The following WDR19 variants were observed in gnomAD, a reference collection of about 807,000 sequenced individuals.
WDR19 encodes the protein WD repeat-containing protein 19.
Under a neutral mutation model 180.0 loss-of-function variants are expected in WDR19, and 121 were observed. That is an observed-to-expected ratio of 0.67 (90% CI 0.58 to 0.78). The LOEUF (loss-of-function observed/expected upper bound fraction) is 0.78. Ranked by LOEUF, WDR19 falls within the 30% of genes least tolerant of loss-of-function variation. The pLI, the probability that WDR19 is intolerant of heterozygous loss-of-function variation, is 0.00. For missense variants in WDR19, 1,450 were observed against 1,640.7 expected (o/e 0.88, Z 2.01); for synonymous variants, 497 against 540.7 (o/e 0.92, Z 1.12).
intron 9 of WDR19, among the ~76,000 whole-genome samples, chr4:39,207,409 A>G (rs1560492879): frequency 6.6e-6 from 1 of 152,244 alleles, no homozygotes; most frequent in Non-Finnish European, 1.5e-5. Flanking sequence ...ATAAACGTGC[A>G]TATTGTAGAA....
At chr4:39,239,650 T>C (rs1206507750) in intron 20 of WDR19, among the ~76,000 whole-genome samples, 1 of 152,168 alleles carries the variant, frequency 6.6e-6, no homozygotes, top group Non-Finnish European at 1.5e-5. Context: ...CTGCACATCC[T>C]GCACGTGTAC....
At chr4:39,266,217 C>G (rs1216762372) in intron 29 of WDR19, 77 bp downstream of exon 29, 4 of 1,316,040 alleles carry the variant, frequency 3.0e-6, no homozygotes, top group Non-Finnish European at 4.1e-6. Context: ...ACCCATCATG[C>G]TTTTACAACA....
Position 39,215,864 on chromosome 4 carries a change from G to C in WDR19, c.985G>C (p.Asp329His). 1 of 1,613,554 alleles carries C rather than the reference G, an allele frequency of 6.2e-7. No individual in the cohort carries two copies. Among genetic ancestry groups the C allele is most frequent in the Non-Finnish European group, 8.5e-7 (1 of 1,179,668 alleles). Residue 329 changes from aspartate to histidine, a missense_variant, in exon 11 of 37, where the codon GAT (aspartate) becomes CAT (histidine). By Grantham distance (81) the Asp-to-His change is moderately conservative (BLOSUM62 -1). Coordinates refer to ENST00000399820, the MANE Select transcript of WDR19 (RefSeq NM_025132.4). ...AGGATTGGGTACCTTGTCCTGGACT[G>C]ATGATGGCCAGTTGCTAGCACTCTC... ...NKGLGTLSWT[D>H]DGQLLALSTQ...
chr4:39,265,629 G>T (rs979760877), intron 28 of WDR19, among the ~76,000 whole-genome samples: 11 of 151,854 alleles, frequency 7.2e-5, no homozygotes, highest in African/African-American at 2.7e-4. Context: ...AAAATTAGCT[G>T]GGTGTGGTGG....
intron 29 of WDR19, among the ~76,000 whole-genome samples, chr4:39,267,091 AAAGT>A (rs780973696): frequency 7.2e-5 from 11 of 152,346 alleles, no homozygotes; most frequent in Non-Finnish European, 1.2e-4. Context: ...TCAAAAAGAA[AAAGT>A]AAGAAAGAAA....
chr4:39,249,715 A>G (rs530663234), intron 24 of WDR19, among the ~76,000 whole-genome samples: 56 of 152,304 alleles, frequency 3.7e-4, no homozygotes, highest in African/African-American at 1.3e-3. Context: ...TACTATAAAC[A>G]CCTTTACACA....
Position 39,254,048 on chromosome 4 carries a change from C to A in WDR19, c.3001+18C>A. 1 of 1,602,194 alleles carries A rather than the reference C, an allele frequency of 6.2e-7. No homozygotes were observed. The highest frequency in any genetic ancestry group is 8.5e-7 in the Non-Finnish European group (1 of 1,173,570). On this transcript the variant is annotated intron_variant, in intron 26 of 36. Coordinates refer to ENST00000399820, the MANE Select transcript of WDR19 (RefSeq NM_025132.4). Reference sequence around the variant, plus strand: ...TATTATTGGTAAATATCATTTTTTCCCTGGTTCTCTTCAAGATGTTTATCA... The same window carrying A: ...TATTATTGGTAAATATCATTTTTTCACTGGTTCTCTTCAAGATGTTTATCA...
At chr4:39,193,035 T>C (rs1726329422) in intron 4 of WDR19, among the ~76,000 whole-genome samples, 1 of 152,196 alleles carries the variant, frequency 6.6e-6, no homozygotes, top group Non-Finnish European at 1.5e-5. Context: ...GGCTACAGCA[T>C]TTATTTTAAA....
At chr4:39,270,759 A>G (rs1056744813) in intron 31 of WDR19, among the ~76,000 whole-genome samples, 1 of 152,212 alleles carries the variant, frequency 6.6e-6, no homozygotes, top group Non-Finnish European at 1.5e-5. Flanking sequence ...ATCTTTCTTT[A>G]TGCAAAACTT....
chr4:39,205,287 A>G (rs1727829834), intron 8 of WDR19, 21 bp downstream of exon 8: 1 of 1,549,332 alleles, frequency 6.5e-7, no homozygotes, highest in African/African-American at 1.4e-5. Context: ...TATAACTGGT[A>G]TGTACAAAAA....
intron 36 of WDR19, among the ~76,000 whole-genome samples, chr4:39,282,921 TAA>T (rs1736707449): frequency 9.2e-6 from 1 of 108,470 alleles, no homozygotes; most frequent in African/African-American, 4.9e-5. Context: ...ATTTTCTGCG[TAA>T]AGTCATCTAC....
At chr4:39,234,415 T>C (rs1274386079) in intron 19 of WDR19, among the ~76,000 whole-genome samples, 1 of 152,178 alleles carries the variant, frequency 6.6e-6, no homozygotes, top group Non-Finnish European at 1.5e-5. Context: ...AAATAAAAAT[T>C]AACTTTAATT....
Position 39,284,931 on chromosome 4 carries a change from C to T in WDR19, c.*14-556C>T, listed in dbSNP as rs560962525. 9.2e-5 allele frequency among the ~76,000 whole-genome samples: 14 copies of T among 152,194 alleles called. No individual in the cohort carries two copies. The South Asian group carries it at 2.5e-3, about 27-fold the overall frequency. On this transcript the variant is annotated intron_variant, in intron 36 of 36. Transcript: ENST00000399820. Reference sequence around the variant, plus strand: ...CAGGCGCAGAACCTGTGGCCATAGTCGCAGCTACTCAGGAGGCTGAGGCAT... The same window carrying T: ...CAGGCGCAGAACCTGTGGCCATAGTTGCAGCTACTCAGGAGGCTGAGGCAT...
At chr4:39,259,777 G>A (rs770114830) in intron 28 of WDR19, among the ~76,000 whole-genome samples, 6 of 152,180 alleles carry the variant, frequency 3.9e-5, no homozygotes, top group Non-Finnish European at 5.9e-5. Flanking sequence ...TGTAAACTCT[G>A]TGTTTAACAT....
chr4:39,189,143 C>T (rs1725888275), intron 3 of WDR19, among the ~76,000 whole-genome samples: 1 of 152,070 alleles, frequency 6.6e-6, no homozygotes, highest in African/African-American at 2.4e-5. Context: ...AAGCTGGTCC[C>T]GAACTCCTGA....
At chr4:39,280,116 C>CTTTTTT (rs1736329750) in intron 36 of WDR19, among the ~76,000 whole-genome samples, 1 of 52,474 alleles carries the variant, frequency 1.9e-5, no homozygotes. Flanking sequence ...TTTCCCTTTT[C>CTTTTTT]TTGTTTTTTT....
intron 34 of WDR19, among the ~76,000 whole-genome samples, chr4:39,277,914 C>G (rs2109524013): frequency 6.6e-6 from 1 of 152,196 alleles, no homozygotes; most frequent in South Asian, 2.1e-4. Context: ...ATTAGCCAAG[C>G]ATGGTGGCGC....
Position 39,205,774 on chromosome 4 carries a change from A to G in WDR19, c.890+38A>G, listed in dbSNP as rs202161550. The G allele has an allele frequency of 1.1e-4, 160 of 1,510,970 alleles. No individual in the cohort carries two copies. In the African/African-American group the frequency reaches 1.9e-3, roughly 18 times the overall value. 93.6% of individuals were successfully genotyped at this position (1,510,970 alleles called of 1,614,324 possible). On this transcript the variant is annotated intron_variant, in intron 9 of 36. Transcript: ENST00000399820. ...CACATATTTTTAGGAAAGCTTATAT[A>G]GTAAATACTTAAGTGAATCAGCCAA...
chr4:39,202,632 C>T (rs2109292574), intron 6 of WDR19, among the ~76,000 whole-genome samples: 1 of 151,828 alleles, frequency 6.6e-6, no homozygotes, highest in South Asian at 2.1e-4. Context: ...CTAACAATAC[C>T]ATTTCTAGGG....
Sources: allele counts gnomAD v4.1 joint callset (sites outside exome capture counted in the v4.1 genomes callset), GRCh38; gene constraint gnomAD v4.1.1; transcripts MANE v1.5; gene names NCBI Gene and HGNC (gene_info 2026-07-23, HGNC 2026-07-21).